PLEKHG1: variants seen among roughly 807,000 people sequenced by gnomAD.
The protein encoded by PLEKHG1 is pleckstrin homology and RhoGEF domain containing G1, also known as pleckstrin homology domain-containing family G member 1.
In PLEKHG1, 44 loss-of-function variants were observed where a neutral mutation model predicts 100.8. The ratio of observed to expected loss-of-function variants is 0.44; its 90% confidence interval spans 0.34 to 0.56. The LOEUF is 0.56. Ranked by LOEUF, PLEKHG1 falls within the 20% of genes least tolerant of loss-of-function variation. The pLI is 0.01. For missense variants in PLEKHG1, 1,545 were observed against 1,720.9 expected, an observed-to-expected ratio of 0.90 and a Z score of 1.81; for synonymous variants, 640 against 662.5, an observed-to-expected ratio of 0.97 and a Z score of 0.52.
intron 1 of PLEKHG1, among the ~76,000 whole-genome samples, chr6:150,732,523 C>T (rs1782323295): frequency 6.6e-6 from 1 of 152,236 alleles, no homozygotes; most frequent in African/African-American, 2.4e-5. Context: ...ATTGTATGAA[C>T]ATCACAGAGT....
intron 10 of PLEKHG1, among the ~76,000 whole-genome samples, chr6:150,813,298 C>G (rs1787650050): frequency 8.8e-6 from 1 of 114,036 alleles, no homozygotes; most frequent in South Asian, 2.7e-4. Flanking sequence ...GAGTGAGACT[C>G]TGTCTCAAAA....
intron 3 of PLEKHG1, among the ~76,000 whole-genome samples, chr6:150,675,254 C>T (rs1471677790): frequency 6.6e-6 from 1 of 152,176 alleles, no homozygotes; most frequent in African/African-American, 2.4e-5. Context: ...TCTGTTCACA[C>T]CATTTATTAA....
chr6:150,617,756 A>G lies in PLEKHG1; in HGVS notation c.-204+17739A>G, dbSNP rs114881488. Among the ~76,000 whole-genome samples, 744 of 152,336 alleles carry G rather than the reference A, an allele frequency of 4.9e-3. 4 individuals carry two copies. Among genetic ancestry groups the G allele is most frequent in the African/African-American group, 0.016 (669 of 41,582 alleles). On this transcript the variant is annotated intron_variant, in intron 1 of 3. Transcript: ENST00000367326. The stretch of plus-strand genomic sequence containing the variant: ...GAGCCTTCACCAGGGCTTAAAATGC[A>G]GAGGATTTCCTTCCATTCTTTGAGG...
chr6:150,668,426 CATG>C (rs1163878839), intron 3 of PLEKHG1, among the ~76,000 whole-genome samples: 1 of 152,180 alleles, frequency 6.6e-6, no homozygotes, highest in Non-Finnish European at 1.5e-5. Context: ...AATTTTTGTA[CATG>C]ATATTTTGAG....
intron 2 of PLEKHG1, among the ~76,000 whole-genome samples, chr6:150,640,351 C>T (rs1778201447): frequency 6.6e-6 from 1 of 152,228 alleles, no homozygotes; most frequent in Admixed American, 6.5e-5. Context: ...ATAGAAATCA[C>T]TTGAGAACAC....
intron 3 of PLEKHG1, among the ~76,000 whole-genome samples, chr6:150,771,370 TC>T (rs1784706287): frequency 6.6e-6 from 1 of 151,672 alleles, no homozygotes; most frequent in African/African-American, 2.4e-5. Flanking sequence ...TGAGCCGAGA[TC>T]GCGCCACTGC....
intron 1 of PLEKHG1, among the ~76,000 whole-genome samples, chr6:150,731,004 G>A (rs148162820): frequency 6.6e-6 from 1 of 152,244 alleles, no homozygotes; most frequent in East Asian, 1.9e-4. Context: ...CCAAGTGAGT[G>A]CCCATTTCCT....
intron 2 of PLEKHG1, among the ~76,000 whole-genome samples, chr6:150,761,099 C>CT (rs35068801): frequency 0.054 from 5,135 of 95,856 alleles, 214 homozygotes; most frequent in Non-Finnish European, 0.073. Context: ...TTCTTTTTTT[C>CT]TTTTTTTTTT....
At chr6:150,736,496 C>T (rs1260112506) in intron 2 of PLEKHG1, among the ~76,000 whole-genome samples, 4 of 152,190 alleles carry the variant, frequency 2.6e-5, no homozygotes, top group Middle Eastern at 3.2e-3. Flanking sequence ...AGGCTGAATG[C>T]GGTGGCTTAT....
intron 3 of PLEKHG1, chr6:150,664,459 A>C (rs920535579): frequency 2.6e-5 from 4 of 152,234 alleles, no homozygotes; most frequent in African/African-American, 7.2e-5. Context: ...GTAAGAAACC[A>C]ATAGCACCAT....
At chr6:150,805,235 G>A (rs1296716709) in intron 7 of PLEKHG1, among the ~76,000 whole-genome samples, 3 of 152,094 alleles carry the variant, frequency 2.0e-5, no homozygotes, top group Admixed American at 6.6e-5. Context: ...ACACCCGGCC[G>A]ACATTATAAC....
chr6:150,822,988 T>A (rs1425986684), intron 13 of PLEKHG1, among the ~76,000 whole-genome samples: 2 of 151,882 alleles, frequency 1.3e-5, no homozygotes, highest in Non-Finnish European at 2.9e-5. Flanking sequence ...TCAAAAAAAA[T>A]AAAAAATAAA....
chr6:150,808,119 C>T (rs572988676), intron 7 of PLEKHG1, among the ~76,000 whole-genome samples: 1 of 152,134 alleles, frequency 6.6e-6, no homozygotes, highest in East Asian at 1.9e-4. Context: ...TGACGGAGGC[C>T]CATTTACCCT....
chr6:150,676,545 G>C (rs1470978791), intron 3 of PLEKHG1, among the ~76,000 whole-genome samples: 1 of 152,126 alleles, frequency 6.6e-6, no homozygotes, highest in Non-Finnish European at 1.5e-5. Flanking sequence ...CTTTGAACCT[G>C]CTGTAGCTCT....
intron 3 of PLEKHG1, among the ~76,000 whole-genome samples, chr6:150,694,883 C>T (rs936355633): frequency 2.6e-5 from 4 of 151,850 alleles, no homozygotes; most frequent in African/African-American, 9.7e-5. Flanking sequence ...CTGGAGTTAT[C>T]AACATATCTG....
chr6:150,647,268 A>G (rs1294893327), intron 2 of PLEKHG1, among the ~76,000 whole-genome samples: 1 of 152,182 alleles, frequency 6.6e-6, no homozygotes, highest in East Asian at 1.9e-4. Flanking sequence ...TCCTGCATAT[A>G]AAAAGCAAGA....
At chr6:150,703,461 CG>C (rs1254776300) in intron 3 of PLEKHG1, among the ~76,000 whole-genome samples, 1 of 151,804 alleles carries the variant, frequency 6.6e-6, no homozygotes, top group Non-Finnish European at 1.5e-5. Flanking sequence ...ATTAGCCAGG[CG>C]TGGTGGCACA....
At chr6:150,673,367 C>T (rs183781456) in intron 3 of PLEKHG1, among the ~76,000 whole-genome samples, 19 of 152,296 alleles carry the variant, frequency 1.2e-4, no homozygotes, top group Non-Finnish European at 2.2e-4. Flanking sequence ...AACTCAGCCC[C>T]CAAGCCAGAC....
intron 3 of PLEKHG1, among the ~76,000 whole-genome samples, chr6:150,680,430 T>C (rs1582933072): frequency 6.6e-6 from 1 of 152,204 alleles, no homozygotes; most frequent in African/African-American, 2.4e-5. Flanking sequence ...TTGGTTATAT[T>C]ACATTTCAGT....
Sources: gnomAD v4.1 joint callset for allele counts (sites outside exome capture counted in the v4.1 genomes callset) on GRCh38, gnomAD v4.1.1 for gene constraint, MANE v1.5 for transcripts, NCBI Gene and HGNC (gene_info 2026-07-23, HGNC 2026-07-21) for gene names.